ABCA5: variants seen among roughly 807,000 people sequenced by gnomAD.
ABCA5 encodes cholesterol transporter ABCA5.
A neutral mutation model predicts 206.0 loss-of-function variants in ABCA5; 163 were observed. The observed-to-expected ratio is 0.79, with a 90% CI of 0.70 to 0.90. The LOEUF is 0.90. ABCA5 is among the 40% of genes least tolerant of loss of function. The pLI, the probability that ABCA5 is intolerant of heterozygous loss-of-function variation, is 0.00. For synonymous variants in ABCA5, 609 were observed against 613.8 expected (o/e 0.99, Z 0.11); for missense variants, 1,859 against 1,912.9 (o/e 0.97, Z 0.53).
chr17:69,253,555 C>T lies in ABCA5; in HGVS notation c.4415+18G>A, dbSNP rs2075040479. The T allele has an allele frequency of 7.1e-6, 11 of 1,556,172 alleles. No homozygotes were observed. Among genetic ancestry groups the T allele is most frequent in the Non-Finnish European group, 9.8e-6 (11 of 1,128,002 alleles). On this transcript the variant is annotated intron_variant, in intron 34 of 38. Coordinates refer to ENST00000392676, the MANE Select transcript of ABCA5 (RefSeq NM_172232.4). ...TATTCTAAAGTATCATGTACTGTGT[C>T]ACAAGTACCATACTCACCACATGTG...
intron 9 of ABCA5, among the ~76,000 whole-genome samples, 196 bp downstream of exon 9, chr17:69,300,943 A>G (rs903817222): frequency 6.6e-6 from 1 of 152,194 alleles, no homozygotes; most frequent in Non-Finnish European, 1.5e-5. Context: ...CTCTTTTTAC[A>G]CGATCTCTTT....
At chr17:69,317,399 C>CAAAA (rs1168274624) in intron 1 of ABCA5, among the ~76,000 whole-genome samples, 20 of 74,562 alleles carry the variant, frequency 2.7e-4, no homozygotes, top group South Asian at 1.1e-3. Flanking sequence ...GACTCTGTCT[C>CAAAA]AAAAAAAAAA....
At chr17:69,255,464 C>A in intron 31 of ABCA5, 79 bp downstream of exon 31, 1 of 878,916 alleles carries the variant, frequency 1.1e-6, no homozygotes, top group East Asian at 3.1e-5. Flanking sequence ...AATATAAAAT[C>A]CGAATTTGTC....
At chr17:69,276,770 T>C (rs984791067) in intron 19 of ABCA5, among the ~76,000 whole-genome samples, 1 of 152,200 alleles carries the variant, frequency 6.6e-6, no homozygotes, top group East Asian at 1.9e-4. Flanking sequence ...CTGCAAGTTC[T>C]GCACATATAT....
rs774828617 is a variant in ABCA5, at chr17:69,284,013, T to C, written c.2332A>G (p.Met778Val). Residue 778 changes from methionine (M) to valine (V), a missense_variant, in exon 18 of 39, where the codon ATG (methionine) becomes GTG (valine). By Grantham distance (21) the Met-to-Val change is conservative (BLOSUM62 1). Coordinates refer to ENST00000392676, the MANE Select transcript of ABCA5 (RefSeq NM_172232.4). ...AAAAATACGTCTTCCAAAGTCGTCA[T>C]GGAAACACCATAAGAAATGACACCC... The part of the protein sequence containing the change: ...NLGVISYGVS[M>V]TTLEDVFLKL... 17 of 1,607,620 alleles carry C rather than the reference T, an allele frequency of 1.1e-5. No homozygotes were observed. The highest frequency in any genetic ancestry group is 1.4e-5 in the Non-Finnish European group (17 of 1,177,402).
At chr17:69,318,701 C>A in intron 1 of ABCA5, 2 of 510,548 alleles carry the variant, frequency 3.9e-6, no homozygotes, top group Non-Finnish European at 7.1e-6. Context: ...CATTCCATTC[C>A]AAGGCATCTG....
At chr17:69,253,516 A>G (rs2075040000) in intron 34 of ABCA5, 57 bp downstream of exon 34, 2 of 1,190,998 alleles carry the variant, frequency 1.7e-6, no homozygotes, top group East Asian at 2.4e-5. Flanking sequence ...CTATTATAAT[A>G]AAAGAAACTG....
chr17:69,303,393 G>C (rs545788361), intron 7 of ABCA5, among the ~76,000 whole-genome samples: 1 of 151,794 alleles, frequency 6.6e-6, no homozygotes, highest in Non-Finnish European at 1.5e-5. Flanking sequence ...CTGGGATTAC[G>C]GGTGTGAGCC....
At position 69,246,062 on chromosome 17, in the gene ABCA5, C is replaced by T. The variant is rs957484511; in HGVS notation, c.*1475G>A. On this transcript the variant is annotated 3_prime_UTR_variant, in exon 39 of 39. Transcript: ENST00000392676. ...ACTTTAGGAAAGTGTATAGCAACTG[C>T]CCCCAGCAATGGGGGAAAATATCAG... The T allele has an allele frequency of 6.6e-6, 1 of 151,918 alleles. No individual in the cohort carries two copies. The highest frequency in any genetic ancestry group is 6.6e-5 in the Admixed American group (1 of 15,262). 9.4% of individuals were successfully genotyped at this position (151,918 alleles called of 1,614,324 possible). A position where few individuals can be genotyped will look rare whatever the true frequency, so the allele number is the denominator to read the frequency against.
chr17:69,251,183 C>T (rs2075009230), intron 35 of ABCA5: 1 of 153,054 alleles, frequency 6.5e-6, no homozygotes, highest in African/African-American at 2.4e-5. Context: ...TACATGATAT[C>T]TGCACAACAT....
At chr17:69,300,944 C>T (rs766563918) in intron 9 of ABCA5, among the ~76,000 whole-genome samples, 195 bp downstream of exon 9, 8 of 152,072 alleles carry the variant, frequency 5.3e-5, no homozygotes, top group African/African-American at 1.7e-4. Flanking sequence ...TCTTTTTACA[C>T]GATCTCTTTA....
intron 24 of ABCA5, among the ~76,000 whole-genome samples, chr17:69,263,717 TAA>T (rs1300409818): frequency 6.9e-6 from 1 of 144,934 alleles, no homozygotes; most frequent in Non-Finnish European, 1.5e-5. Context: ...TTTTTTTTGA[TAA>T]AAAGTCTCTC....
chr17:69,312,041 C>T (rs142540518), intron 3 of ABCA5, among the ~76,000 whole-genome samples: 1 of 152,248 alleles, frequency 6.6e-6, no homozygotes, highest in East Asian at 1.9e-4. Context: ...TAACACTTTC[C>T]ATTCAATGAC....
At chr17:69,298,278 A>AG (rs2075609448) in intron 9 of ABCA5, among the ~76,000 whole-genome samples, 3 of 114,908 alleles carry the variant, frequency 2.6e-5, no homozygotes, top group African/African-American at 1.1e-4. Context: ...GAAGGAAGGA[A>AG]GGAAGGGAGG....
intron 37 of ABCA5, 47 bp downstream of exon 37, chr17:69,249,858 C>T (rs1275244535): frequency 1.3e-6 from 2 of 1,531,484 alleles, no homozygotes; most frequent in East Asian, 4.6e-5. Context: ...AGGGACTGAA[C>T]ATCTTCCTTA....
At chr17:69,309,821 C>T (rs905180393) in intron 3 of ABCA5, among the ~76,000 whole-genome samples, 1 of 152,054 alleles carries the variant, frequency 6.6e-6, no homozygotes, top group Non-Finnish European at 1.5e-5. Flanking sequence ...GCTTAGGCAA[C>T]AGAGTGAGAC....
At chr17:69,263,653 C>G (rs2075174230) in intron 24 of ABCA5, among the ~76,000 whole-genome samples, 1 of 144,844 alleles carries the variant, frequency 6.9e-6, no homozygotes, top group African/African-American at 2.6e-5. Flanking sequence ...AGTTTGAAGT[C>G]AGGTAATGAA....
intron 28 of ABCA5, among the ~76,000 whole-genome samples, chr17:69,258,614 T>C (rs953081104): frequency 2.6e-5 from 4 of 152,070 alleles, no homozygotes; most frequent in African/African-American, 9.7e-5. Context: ...ATTTGGGTAA[T>C]GTTACAATAG....
intron 4 of ABCA5, 21 bp from the exon 5 acceptor site, chr17:69,308,389 G>T (rs1199456426): frequency 3.2e-6 from 5 of 1,547,030 alleles, no homozygotes; most frequent in Middle Eastern, 1.7e-4. Context: ...AAGAATATGA[G>T]ATCTAAGATT....
Sources: gnomAD v4.1 joint callset for allele counts (sites outside exome capture counted in the v4.1 genomes callset) on GRCh38, gnomAD v4.1.1 for gene constraint, MANE v1.5 for transcripts, NCBI Gene and HGNC (gene_info 2026-07-23, HGNC 2026-07-21) for gene names.